IGF2R: variants seen among roughly 807,000 people sequenced by gnomAD.
The protein encoded by IGF2R is insulin like growth factor 2 receptor.
Under a neutral mutation model 270.6 loss-of-function variants are expected in IGF2R, and 91 were observed. That is an observed-to-expected ratio of 0.34 (90% CI 0.28 to 0.40). The LOEUF is 0.40. Among genes scored for constraint, IGF2R ranks in the 10% least tolerant of loss-of-function variants. The probability of loss-of-function intolerance (pLI) is 1.00; values close to 1 mark genes in which losing one functional copy is unlikely to be tolerated. For synonymous variants in IGF2R, 1,316 were observed against 1,258.9 expected, an observed-to-expected ratio of 1.05 and a Z score of -0.96; for missense variants, 2,805 against 3,188.3, an observed-to-expected ratio of 0.88 and a Z score of 2.90.
chr6:160,090,232 T>G lies in IGF2R; in HGVS notation c.6655+129T>G, dbSNP rs8191931. On this transcript the variant is annotated intron_variant, in intron 44 of 47. Transcript: ENST00000356956. Reference sequence around the variant, plus strand: ...AAACAAAAACCTTGGTCTAATTCTTTACTTTGTTATGAATTTCTTGACAGT... The same window carrying G: ...AAACAAAAACCTTGGTCTAATTCTTGACTTTGTTATGAATTTCTTGACAGT... 3.9e-3 allele frequency: 2,246 copies of G among 581,482 alleles called. 44 individuals carry two copies. Among genetic ancestry groups the G allele is most frequent in the African/African-American group, 0.038 (1,979 of 51,566 alleles). 36.0% of individuals were successfully genotyped at this position (581,482 alleles called of 1,614,324 possible).
intron 10 of IGF2R, among the ~76,000 whole-genome samples, chr6:160,039,251 CT>C (rs1170943997): frequency 2.6e-5 from 4 of 152,190 alleles, no homozygotes; most frequent in South Asian, 2.1e-4. Context: ...GTACTGAATA[CT>C]GCATGCACTT....
chr6:160,067,448 G>A (rs1211265214), intron 29 of IGF2R, among the ~76,000 whole-genome samples: 1 of 151,768 alleles, frequency 6.6e-6, no homozygotes, highest in African/African-American at 2.4e-5. Flanking sequence ...ATTTTTAAAA[G>A]TCTTATCTTG....
At chr6:160,062,454 G>A (rs1778460998) in intron 25 of IGF2R, 78 bp from the exon 26 acceptor site, 1 of 1,095,682 alleles carries the variant, frequency 9.1e-7, no homozygotes, top group Non-Finnish European at 1.4e-6. Context: ...TTACAGGTGT[G>A]AGCCACCGTG....
At position 160,045,836 on chromosome 6, in the gene IGF2R, G is replaced by A. The variant is rs1380191528; in HGVS notation, c.1857G>A (p.Leu619=). The change falls in exon 14 of 48, where the codon CTG becomes CTA. Residue 619 remains leucine (L), a synonymous_variant. Coordinates refer to ENST00000356956, the MANE Select transcript of IGF2R (RefSeq NM_000876.4). ...GGCACACAGCTGCGGCCTGTGTGCTGTCTAAGACAGAAGGGGAGAACTGCA... is the reference window on the plus strand; with the variant it reads ...GGCACACAGCTGCGGCCTGTGTGCTATCTAAGACAGAAGGGGAGAACTGCA... ...FEWHTAAACV[L]SKTEGENCTV... is the part of the protein sequence containing the mutation. 6.2e-7 allele frequency: 1 copy of A among 1,608,690 alleles called. No homozygotes were observed. Among genetic ancestry groups the A allele is most frequent in the Middle Eastern group, 1.7e-4 (1 of 6,030 alleles).
At chr6:160,026,093 C>G (rs1036964276) in intron 5 of IGF2R, among the ~76,000 whole-genome samples, 1 of 152,192 alleles carries the variant, frequency 6.6e-6, no homozygotes, top group African/African-American at 2.4e-5. Flanking sequence ...TTCGGACTTG[C>G]CATCATGTGC....
chr6:160,065,848 A>ATATATATATATAT (rs1778572641), intron 29 of IGF2R, among the ~76,000 whole-genome samples: 1 of 123,128 alleles, frequency 8.1e-6, no homozygotes, highest in Non-Finnish European at 1.7e-5. Flanking sequence ...ATATATATGT[A>ATATATATATATAT]TTTTTTTTGA....
rs1004951985 is a variant in IGF2R, at chr6:159,990,067, T to C, written c.150-1117T>C. On this transcript the variant is annotated intron_variant, in intron 1 of 47. Coordinates refer to ENST00000356956, the MANE Select transcript of IGF2R (RefSeq NM_000876.4). ...GTCTTGCGAGTTCAGATCTGAACTG[T>C]AGCTCTAAGAGGTAAAAGCAGAAGT... 2.6e-5 allele frequency among the ~76,000 whole-genome samples: 4 copies of C among 152,250 alleles called. No individual in the cohort carries two copies. The East Asian group carries it at 7.7e-4, about 29-fold the overall frequency.
chr6:160,061,009 G>A (rs898842685), intron 23 of IGF2R, among the ~76,000 whole-genome samples: 19 of 152,060 alleles, frequency 1.2e-4, no homozygotes, highest in Admixed American at 1.3e-4. Flanking sequence ...CATTTCACAT[G>A]TACTGTCAGA....
rs1351596046 is a variant in IGF2R at position 160,044,566 on chromosome 6, G to A, written c.1674G>A (p.Glu558=). 7 of 1,608,756 alleles carry A rather than the reference G, an allele frequency of 4.4e-6. No homozygotes were observed. Among genetic ancestry groups the A allele is most frequent in the Non-Finnish European group, 6.0e-6 (7 of 1,176,450 alleles). ...AATTTATTTCCTCTCCCATGAAAGA[G>A]AAAGGAAACATTCAACTCTCTTATT... ...LGKFISSPMK[E]KGNIQLSYSD... Residue 558 remains glutamate (E), a synonymous_variant, in exon 13 of 48, where the codon GAG becomes GAA. Coordinates refer to ENST00000356956, the MANE Select transcript of IGF2R (RefSeq NM_000876.4).
Position 160,040,594 on chromosome 6 carries a change from G to A in IGF2R, c.1350G>A (p.Gly450=). The A allele has an allele frequency of 6.2e-7, 1 of 1,614,066 alleles. No individual in the cohort carries two copies. Among genetic ancestry groups the A allele is most frequent in the Non-Finnish European group, 8.5e-7 (1 of 1,179,916 alleles). Residue 450 remains glycine (G), a synonymous_variant, in exon 11 of 48, where the codon GGG becomes GGA. Coordinates refer to ENST00000356956, the MANE Select transcript of IGF2R (RefSeq NM_000876.4). ...GGAAAGGAACTCCTGTATTCACAGG[G>A]GAGGTTGACTGCACCTACTTCTTCA... is the stretch of plus-strand genomic sequence containing the variant. The part of the protein sequence containing the change: ...NDGKGTPVFT[G]EVDCTYFFTW...
chr6:160,050,439 G>T lies in IGF2R; in HGVS notation c.2515-34G>T. On this transcript the variant is annotated intron_variant, in intron 18 of 47. Transcript: ENST00000356956. The surrounding 1 kb of genome is among the most constrained non-coding windows in gnomAD (Gnocchi z 4.0). ...AATAACGAATCGACTGTATCTTCAG[G>T]GGGAAAAGCCTAACAAGACTGGTTT... 1 of 1,583,088 alleles carries T rather than the reference G, an allele frequency of 6.3e-7. No individual in the cohort carries two copies. The highest frequency in any genetic ancestry group is 8.6e-7 in the Non-Finnish European group (1 of 1,158,246).
intron 1 of IGF2R, among the ~76,000 whole-genome samples, chr6:159,983,596 C>T (rs921506552): frequency 6.6e-6 from 1 of 152,198 alleles, no homozygotes; most frequent in Non-Finnish European, 1.5e-5. Context: ...CTGCCACAGA[C>T]TTTGCTTTAA....
At chr6:160,009,248 A>G in intron 3 of IGF2R, 114 bp downstream of exon 3, 1 of 861,488 alleles carries the variant, frequency 1.2e-6, no homozygotes, top group Non-Finnish European at 1.7e-6. Flanking sequence ...TAGAAACACA[A>G]ATAAGAAAAA....
In IGF2R at chr6:160,084,079, C is replaced by G. The variant is rs1216123894; in HGVS notation, c.5963C>G (p.Pro1988Arg). The change falls in exon 40 of 48, where the codon CCT becomes CGT. Residue 1988 changes from proline to arginine, a missense_variant. Physicochemically the swap from Pro to Arg is moderately radical, Grantham distance 103 (BLOSUM62 -2). Transcript: ENST00000356956. This position sits in a 1 kb window ranked among gnomAD's most constrained non-coding sequence, Gnocchi z 4.6. ...GAGTGGAAAACAAAAGTTGTCTGCC[C>G]TCCAAAGAAGTTGGAGTGCAAATTC... ...TFEWKTKVVC[P>R]PKKLECKFVQ... The G allele has an allele frequency of 1.2e-6, 2 of 1,614,136 alleles. No individual in the cohort carries two copies. Among genetic ancestry groups the G allele is most frequent in the Non-Finnish European group, 1.7e-6 (2 of 1,180,002 alleles).
Position 160,024,657 on chromosome 6 carries a change from A to T in IGF2R, c.599A>T (p.Asp200Val), listed in dbSNP as rs537176017. ...IKLSGAYLVD[D>V]SDPDTSLFIN... is the part of the protein sequence containing the mutation. ...CTTAGTGGTGCCTACTTGGTGGATGACTCCGATCCGGACACTTCTCTATTC... is the reference window on the plus strand; with the variant it reads ...CTTAGTGGTGCCTACTTGGTGGATGTCTCCGATCCGGACACTTCTCTATTC... The change falls in exon 5 of 48, where the codon GAC becomes GTC. Residue 200 changes from aspartate to valine, a missense_variant. By Grantham distance (152) the Asp-to-Val change is radical (BLOSUM62 -3). Coordinates refer to ENST00000356956, the MANE Select transcript of IGF2R (RefSeq NM_000876.4). The T allele has an allele frequency of 6.2e-7, 1 of 1,613,906 alleles. No individual in the cohort carries two copies. Among genetic ancestry groups the T allele is most frequent in the East Asian group, 2.2e-5 (1 of 44,876 alleles).
chr6:160,088,181 C>A, intron 42 of IGF2R, 34 bp downstream of exon 42: 3 of 1,307,006 alleles, frequency 2.3e-6, no homozygotes, highest in South Asian at 1.2e-5. Context: ...CGGGACTGTG[C>A]AGTGAGCATA....
Position 160,050,870 on chromosome 6 carries a change from G to T in IGF2R, c.2694+218G>T, listed in dbSNP as rs1778181141. Among the ~76,000 whole-genome samples, 1 of 152,170 alleles carries T rather than the reference G, an allele frequency of 6.6e-6. No individual in the cohort carries two copies. ...TTCTGAAGTGTAAGCCTCATCTTTTGCTGCGGAGTTTGAGGCTCTGGTGAC... is the reference window on the plus strand; with the variant it reads ...TTCTGAAGTGTAAGCCTCATCTTTTTCTGCGGAGTTTGAGGCTCTGGTGAC... On this transcript the variant is annotated intron_variant, in intron 19 of 47. Coordinates refer to ENST00000356956, the MANE Select transcript of IGF2R (RefSeq NM_000876.4). The surrounding 1 kb of genome is among the most constrained non-coding windows in gnomAD (Gnocchi z 4.0).
At chr6:160,053,282 G>A (rs774136372) in intron 19 of IGF2R, among the ~76,000 whole-genome samples, 9 of 151,744 alleles carry the variant, frequency 5.9e-5, no homozygotes, top group Middle Eastern at 3.4e-3. Flanking sequence ...GGCTGGGGGG[G>A]AGGGATAGCA....
intron 17 of IGF2R, 142 bp from the exon 18 acceptor site, chr6:160,048,233 G>A (rs181047569): frequency 7.6e-6 from 6 of 785,990 alleles, no homozygotes; most frequent in Non-Finnish European, 1.3e-5. Flanking sequence ...TGCGTCATGC[G>A]CCCAGACAAG....
Sources: allele counts gnomAD v4.1 joint callset (sites outside exome capture counted in the v4.1 genomes callset), GRCh38; gene constraint gnomAD v4.1.1; non-coding constraint Gnocchi (gnomAD v3.1); transcripts MANE v1.5; gene names NCBI Gene and HGNC (gene_info 2026-07-23, HGNC 2026-07-21).